Variants in NIPAL3 observed in about 807,000 individuals in gnomAD.
NIPAL3 encodes the protein NIPA like domain containing 3.
A neutral mutation model predicts 47.2 loss-of-function variants in NIPAL3; 41 were observed. That is an observed-to-expected ratio of 0.87 (90% CI 0.68 to 1.13). The LOEUF (loss-of-function observed/expected upper bound fraction) is 1.13, where lower values mean the gene tolerates loss of function less well. NIPAL3 is among the 50% of genes most tolerant of loss of function. The pLI is 0.00. For synonymous variants in NIPAL3, 194 were observed against 209.6 expected (o/e 0.93, Z 0.64); for missense variants, 449 against 530.1 (o/e 0.85, Z 1.50).
At chr1:24,442,337 A>G (rs1472406370) in intron 4 of NIPAL3, 111 bp downstream of exon 4, 5 of 1,191,026 alleles carry the variant, frequency 4.2e-6, no homozygotes, top group African/African-American at 1.5e-5. Flanking sequence ...AGCTTGGATA[A>G]TAATAGCCTA....
Position 24,472,184 on chromosome 1 carries a change from G to A in NIPAL3, c.*2999G>A, listed in dbSNP as rs1201417553. 6.6e-6 allele frequency: 1 copy of A among 152,072 alleles called. No homozygotes were observed. The highest frequency in any genetic ancestry group is 1.5e-5 in the Non-Finnish European group (1 of 68,036). The allele number at this position is 152,072 out of a possible 1,614,324, so 9.4% of individuals were successfully genotyped here. Reference sequence around the variant, plus strand: ...CCCTTGCCTTCGGGTTTGGAGCAGTGGCATCATCCCACCAACCTGAGCCAT... The same window carrying A: ...CCCTTGCCTTCGGGTTTGGAGCAGTAGCATCATCCCACCAACCTGAGCCAT... On this transcript the variant is annotated 3_prime_UTR_variant, in exon 12 of 12. Coordinates refer to ENST00000374399, the MANE Select transcript of NIPAL3 (RefSeq NM_020448.5).
chr1:24,441,937 A>G (rs771234308), intron 3 of NIPAL3, 118 bp from the exon 4 acceptor site: 17 of 1,017,596 alleles, frequency 1.7e-5, no homozygotes, highest in Non-Finnish European at 2.3e-5. Context: ...GGACTCCACA[A>G]GAACCTGACA....
intron 2 of NIPAL3, among the ~76,000 whole-genome samples, chr1:24,429,470 G>C (rs1379192970): frequency 1.3e-5 from 2 of 152,136 alleles, no homozygotes; most frequent in Non-Finnish European, 2.9e-5. Flanking sequence ...TATATAAGCT[G>C]TTCTTTATGT....
At chr1:24,458,820 A>G in intron 8 of NIPAL3, 68 bp from the exon 9 acceptor site, 1 of 1,217,654 alleles carries the variant, frequency 8.2e-7, no homozygotes. Flanking sequence ...ACCAAACTCT[A>G]CTGTTGTCAG....
At chr1:24,426,665 G>A (rs763483587) in intron 2 of NIPAL3, among the ~76,000 whole-genome samples, 1 of 152,116 alleles carries the variant, frequency 6.6e-6, no homozygotes, top group Non-Finnish European at 1.5e-5. Context: ...CCTGACAGTC[G>A]CTTATTCCGT....
chr1:24,431,541 C>A (rs554634813), intron 2 of NIPAL3, among the ~76,000 whole-genome samples: 371 of 152,214 alleles, frequency 2.4e-3, no homozygotes, highest in Admixed American at 3.5e-3. Flanking sequence ...TATTTTATGA[C>A]CTTTAAGTGT....
chr1:24,445,545 ACT>A (rs1645618253), intron 5 of NIPAL3, among the ~76,000 whole-genome samples: 1 of 152,194 alleles, frequency 6.6e-6, no homozygotes, highest in African/African-American at 2.4e-5. Flanking sequence ...TCTCTCCCTG[ACT>A]GAGTTCTAAA....
intron 2 of NIPAL3, among the ~76,000 whole-genome samples, chr1:24,434,833 G>T (rs1349716641): frequency 6.6e-6 from 1 of 151,840 alleles, no homozygotes; most frequent in Non-Finnish European, 1.5e-5. Flanking sequence ...TTAACAACAC[G>T]CTCCTAAATA....
At position 24,416,947 on chromosome 1, in the gene NIPAL3, T is replaced by C. The variant is rs1253100367; in HGVS notation, c.-258+1043T>C. 6.6e-6 allele frequency: 1 copy of C among 152,214 alleles called. No individual in the cohort carries two copies. The highest frequency in any genetic ancestry group is 1.5e-5 in the Non-Finnish European group (1 of 68,042). The allele number at this position is 152,214 out of a possible 1,614,324, so 9.4% of individuals were successfully genotyped here. A position where few individuals can be genotyped will look rare whatever the true frequency, so the allele number is the denominator to read the frequency against. On this transcript the variant is annotated intron_variant, in intron 1 of 11. Transcript: ENST00000374399. The surrounding 1 kb of genome is among the most constrained non-coding windows in gnomAD (Gnocchi z 4.8). Reference sequence around the variant, plus strand: ...AAACCAGAAAAGCACTTGGGCAAACTACTCTGAAGGATGTTAGGAGGCCTG... The same window carrying C: ...AAACCAGAAAAGCACTTGGGCAAACCACTCTGAAGGATGTTAGGAGGCCTG...
rs1646868186 is a variant in NIPAL3, at chr1:24,470,501, T to C, written c.*1316T>C. 6.6e-6 allele frequency: 1 copy of C among 152,206 alleles called. No homozygotes were observed. Among genetic ancestry groups the C allele is most frequent in the African/African-American group, 2.4e-5 (1 of 41,444 alleles). The allele number at this position is 152,206 out of a possible 1,614,324, so 9.4% of individuals were successfully genotyped here. A position where few individuals can be genotyped will look rare whatever the true frequency, so the allele number is the denominator to read the frequency against. On this transcript the variant is annotated 3_prime_UTR_variant, in exon 12 of 12. Coordinates refer to ENST00000374399, the MANE Select transcript of NIPAL3 (RefSeq NM_020448.5). ...TTCACATCTGGAAAGCCTAAGAATT[T>C]ACAAAGATGTTCTGCTAAAACCCCC...
chr1:24,453,011 T>G (rs1056937947), intron 6 of NIPAL3, among the ~76,000 whole-genome samples: 20 of 152,100 alleles, frequency 1.3e-4, no homozygotes, highest in African/African-American at 4.8e-4. Flanking sequence ...CTCACATTCT[T>G]GACCAAATAG....
chr1:24,447,213 T>C (rs906086034), intron 5 of NIPAL3, among the ~76,000 whole-genome samples: 42 of 152,230 alleles, frequency 2.8e-4, no homozygotes, highest in Admixed American at 1.4e-3. Flanking sequence ...GGCATTCTTA[T>C]AGAGCTTCCC....
chr1:24,468,840 T>G (rs1270167947), intron 11 of NIPAL3, 146 bp from the exon 12 acceptor site: 1 of 740,604 alleles, frequency 1.4e-6, no homozygotes, highest in Non-Finnish European at 2.3e-6. Flanking sequence ...GGGTGTTCTC[T>G]TTTAAATCTA....
intron 2 of NIPAL3, among the ~76,000 whole-genome samples, chr1:24,430,853 T>G (rs888180834): frequency 6.6e-6 from 1 of 152,260 alleles, no homozygotes; most frequent in Non-Finnish European, 1.5e-5. Context: ...TTCCTTTGCT[T>G]ATGCTGTACT....
At position 24,460,479 on chromosome 1, in the gene NIPAL3, A is replaced by C. The variant is rs1189553900; in HGVS notation, c.863-2A>C. ...GGTATTTTCTATGATTTGCTGCTGC[A>C]GGTGCAATATTTTACCTGGACTTCA... On this transcript the variant is annotated splice_acceptor_variant, in intron 9 of 11. Transcript: ENST00000374399. LOFTEE classifies it high-confidence loss of function. 6.3e-7 allele frequency: 1 copy of C among 1,586,728 alleles called. No individual in the cohort carries two copies. Among genetic ancestry groups the C allele is most frequent in the Non-Finnish European group, 8.6e-7 (1 of 1,169,388 alleles).
At chr1:24,434,067 T>C (rs1644995851) in intron 2 of NIPAL3, among the ~76,000 whole-genome samples, 1 of 151,952 alleles carries the variant, frequency 6.6e-6, no homozygotes, top group Non-Finnish European at 1.5e-5. Context: ...AGAAAACAAA[T>C]GGCAAAATGA....
At chr1:24,421,648 C>G (rs1398813563) in intron 2 of NIPAL3, among the ~76,000 whole-genome samples, 1 of 152,180 alleles carries the variant, frequency 6.6e-6, no homozygotes, top group Non-Finnish European at 1.5e-5. Context: ...TTCACACTAG[C>G]ACTACACAGT....
rs190557349 is a variant in NIPAL3 at position 24,452,213 on chromosome 1, A to G, written c.541-1195A>G. On this transcript the variant is annotated intron_variant, in intron 6 of 11. Coordinates refer to ENST00000374399, the MANE Select transcript of NIPAL3 (RefSeq NM_020448.5). ...ATATCTGGGCTTTTAAGGGGTAGAA[A>G]GGAACAGTTGTTGATGCAAGGAGGG... is the stretch of plus-strand genomic sequence containing the variant. Among the ~76,000 whole-genome samples the G allele has an allele frequency of 2.6e-5, 4 of 152,324 alleles. No individual in the cohort carries two copies. In the East Asian group the frequency reaches 7.7e-4, roughly 29 times the overall value.
intron 6 of NIPAL3, among the ~76,000 whole-genome samples, chr1:24,452,618 C>G (rs1645991804): frequency 1.3e-5 from 2 of 152,206 alleles, no homozygotes. Flanking sequence ...CAGCCCAGGT[C>G]TCCCTGACTC....
Sources: allele counts gnomAD v4.1 joint callset (sites outside exome capture counted in the v4.1 genomes callset), GRCh38; gene constraint gnomAD v4.1.1; non-coding constraint Gnocchi (gnomAD v3.1); transcripts MANE v1.5; gene names NCBI Gene and HGNC (gene_info 2026-07-23, HGNC 2026-07-21).